ITGB2: variants seen among roughly 807,000 people sequenced by gnomAD.
ITGB2 encodes the protein integrin beta-2.
Under a neutral mutation model 86.8 loss-of-function variants are expected in ITGB2, and 56 were observed. The observed-to-expected ratio is 0.65, with a 90% confidence interval of 0.52 to 0.81. The LOEUF (loss-of-function observed/expected upper bound fraction) is 0.81, where lower values mean the gene tolerates loss of function less well. ITGB2 is among the 30% of genes least tolerant of loss of function. ITGB2 has a pLI of 0.00. For missense variants in ITGB2, 948 were observed against 1,061.2 expected, an observed-to-expected ratio of 0.89 and a Z score of 1.48; for synonymous variants, 457 against 450.4, an observed-to-expected ratio of 1.01 and a Z score of -0.19.
intron 4 of ITGB2, among the ~76,000 whole-genome samples, chr21:44,904,900 C>T (rs1303651884): frequency 6.6e-6 from 1 of 151,770 alleles, no homozygotes; most frequent in Non-Finnish European, 1.5e-5. Flanking sequence ...ACCCGGCACT[C>T]CTGGCCCTGG....
At chr21:44,912,064 G>A (rs376642111) in intron 1 of ITGB2, among the ~76,000 whole-genome samples, 1 of 152,168 alleles carries the variant, frequency 6.6e-6, no homozygotes, top group Non-Finnish European at 1.5e-5. Context: ...AGACATTTCC[G>A]TTACCCTGGG....
At chr21:44,894,238 G>A (rs988749647) in intron 9 of ITGB2, 16 of 163,868 alleles carry the variant, frequency 9.8e-5, no homozygotes, top group Admixed American at 7.3e-4. Context: ...CCTCCTCCAC[G>A]GGCCTTCAGT....
At chr21:44,899,486 A>C (rs2083916434) in intron 7 of ITGB2, among the ~76,000 whole-genome samples, 1 of 152,152 alleles carries the variant, frequency 6.6e-6, no homozygotes, top group African/African-American at 2.4e-5. Context: ...AGGGACACTC[A>C]GTTTCGGTAG....
rs376053062 is a variant in ITGB2 at position 44,903,502 on chromosome 21, C to G, written c.362G>C (p.Arg121Pro). The change falls in exon 5 of 16, where the codon CGG becomes CCG. Residue 121 changes from arginine (R) to proline (P), a missense_variant. By Grantham distance (103) the Arg-to-Pro change is moderately radical (BLOSUM62 -2). Transcript: ENST00000652462. The part of the protein sequence containing the change: ...QAAAFNVTFR[R>P]AKGYPIDLYY... ...CAGGTCGATGGGGTAGCCCTTGGCC[C>G]GCCGGAAGGTCACGTTGAACGCTGC... is the stretch of plus-strand genomic sequence containing the variant. 3.7e-6 allele frequency: 6 copies of G among 1,614,046 alleles called. No individual in the cohort carries two copies. Among genetic ancestry groups the G allele is most frequent in the Non-Finnish European group, 5.1e-6 (6 of 1,179,974 alleles).
Position 44,886,310 on chromosome 21 carries a change from G to T in ITGB2, c.*58C>A. On this transcript the variant is annotated 3_prime_UTR_variant, in exon 16 of 16. Coordinates refer to ENST00000652462, the MANE Select transcript of ITGB2 (RefSeq NM_000211.5). The stretch of plus-strand genomic sequence containing the variant: ...CAAGAGCTGTGGCAAGCCATGTCTC[G>T]GCCGCGTGATGGGGCAGACATGGTG... 1 of 1,441,330 alleles carries T rather than the reference G, an allele frequency of 6.9e-7. No homozygotes were observed. Among genetic ancestry groups the T allele is most frequent in the Non-Finnish European group, 9.8e-7 (1 of 1,022,668 alleles). 89.3% of individuals were successfully genotyped at this position (1,441,330 alleles called of 1,614,324 possible).
At chr21:44,909,946 C>T (rs112403172) in intron 3 of ITGB2, among the ~76,000 whole-genome samples, 2,318 of 152,302 alleles carry the variant, frequency 0.015, 29 homozygotes, top group Middle Eastern at 0.037. Flanking sequence ...GGGCCAGAAG[C>T]GCGCGTGTTT....
At chr21:44,889,921 C>T (rs901307822) in intron 12 of ITGB2, 57 bp downstream of exon 12, 9 of 1,607,460 alleles carry the variant, frequency 5.6e-6, no homozygotes, top group Non-Finnish European at 7.6e-6. Flanking sequence ...ACGCACCCCC[C>T]AACACCAAGT....
chr21:44,886,977 C>T (rs1177849028), intron 14 of ITGB2, 75 bp from the exon 15 acceptor site: 10 of 1,558,332 alleles, frequency 6.4e-6, no homozygotes, highest in East Asian at 4.5e-5. Flanking sequence ...GGTCCGAGGT[C>T]ACCCCACAAC....
At chr21:44,899,548 G>A (rs1309141572) in intron 7 of ITGB2, among the ~76,000 whole-genome samples, 1 of 105,186 alleles carries the variant, frequency 9.5e-6, no homozygotes, top group Non-Finnish European at 1.8e-5. Flanking sequence ...GGGACCCGAG[G>A]GCCGTCCCTC....
chr21:44,899,179 C>A lies in ITGB2; in HGVS notation c.898-17G>T. The A allele has an allele frequency of 6.2e-7, 1 of 1,600,402 alleles. No individual in the cohort carries two copies. The highest frequency in any genetic ancestry group is 8.6e-7 in the Non-Finnish European group (1 of 1,168,064). On this transcript the variant is annotated splice_polypyrimidine_tract_variant and intron_variant, in intron 7 of 15. Transcript: ENST00000652462. The stretch of plus-strand genomic sequence containing the variant: ...TGGGTAGTCCTGGAGAGAGGAGGTC[C>A]TGCTCAGTTGGCCCCGAGTCCAGGA...
upstream of ITGB2, chr21:44,923,008 C>T (rs762027401): frequency 6.6e-6 from 1 of 152,186 alleles, no homozygotes; most frequent in African/African-American, 2.4e-5. Flanking sequence ...TCGCTGCGAA[C>T]GTCACGGACG....
chr21:44,916,895 G>C (rs1448321737), intron 1 of ITGB2, among the ~76,000 whole-genome samples: 1 of 151,610 alleles, frequency 6.6e-6, no homozygotes, highest in African/African-American at 2.4e-5. Context: ...AAGCTAAGGG[G>C]GAAAATAGCA....
intron 3 of ITGB2, among the ~76,000 whole-genome samples, chr21:44,908,697 G>A (rs1249099496): frequency 6.6e-6 from 1 of 152,220 alleles, no homozygotes; most frequent in Non-Finnish European, 1.5e-5. Flanking sequence ...CCGAGTGTCT[G>A]AGGAATTCTG....
rs1359169042 is a variant in ITGB2, at chr21:44,901,514, A to G, written c.719T>C (p.Met240Thr). 2 of 1,614,202 alleles carry G rather than the reference A, an allele frequency of 1.2e-6. No individual in the cohort carries two copies. Among genetic ancestry groups the G allele is most frequent in the South Asian group, 1.1e-5 (1 of 91,086 alleles). Reference sequence around the variant, plus strand: ...CACCGGGCAGGCGGCGACCTGCATCATGGCGTCCAGCCCACCCTCGGGTGC... The same window carrying G: ...CACCGGGCAGGCGGCGACCTGCATCGTGGCGTCCAGCCCACCCTCGGGTGC... ...LDAPEGGLDA[M>T]MQVAACPEEI... The change falls in exon 6 of 16, where the codon ATG (methionine) becomes ACG (threonine). Residue 240 changes from methionine to threonine, a missense_variant. By Grantham distance (81) the Met-to-Thr change is moderately conservative (BLOSUM62 -1). Coordinates refer to ENST00000652462, the MANE Select transcript of ITGB2 (RefSeq NM_000211.5).
chr21:44,889,537 G>A, intron 12 of ITGB2, 42 bp from the exon 13 acceptor site: 1 of 1,525,668 alleles, frequency 6.6e-7, no homozygotes. Flanking sequence ...GCTTGGCCTG[G>A]GAACCGAGAC....
In ITGB2 at chr21:44,899,136, C is replaced by G; in HGVS notation, c.924G>C (p.Ala308=). 1 of 1,614,058 alleles carries G rather than the reference C, an allele frequency of 6.2e-7. No individual in the cohort carries two copies. The highest frequency in any genetic ancestry group is 2.2e-5 in the East Asian group (1 of 44,888). ...EFDYPSVGQL[A]HKLAENNIQP... Reference sequence around the variant, plus strand: ...GGATGTTGTTTTCAGCCAGCTTGTGCGCCAGCTGGCCCACCGATGGGTAGT... The same window carrying G: ...GGATGTTGTTTTCAGCCAGCTTGTGGGCCAGCTGGCCCACCGATGGGTAGT... Residue 308 remains alanine, a synonymous_variant, in exon 8 of 16, where the codon GCG becomes GCC. Transcript: ENST00000652462.
chr21:44,912,729 C>A (rs938297330), intron 1 of ITGB2, among the ~76,000 whole-genome samples: 1 of 152,114 alleles, frequency 6.6e-6, no homozygotes, highest in African/African-American at 2.4e-5. Context: ...CTCGGTGCCA[C>A]GAGTGCCCAC....
At chr21:44,923,318 C>T (rs1242644728), upstream of ITGB2, among the ~76,000 whole-genome samples, 1 of 152,072 alleles carries the variant, frequency 6.6e-6, no homozygotes, top group African/African-American at 2.4e-5. Context: ...ATGCATGGAC[C>T]ATATTTTAAA....
At chr21:44,899,303 C>A (rs1461973886) in intron 7 of ITGB2, 141 bp from the exon 8 acceptor site, 1 of 703,386 alleles carries the variant, frequency 1.4e-6, no homozygotes, top group Non-Finnish European at 2.6e-6. Flanking sequence ...CAGAGGCTGC[C>A]ACGCAGGAGT....
Sources: gnomAD v4.1 joint callset for allele counts (sites outside exome capture counted in the v4.1 genomes callset) on GRCh38, gnomAD v4.1.1 for gene constraint, MANE v1.5 for transcripts, NCBI Gene and HGNC (gene_info 2026-07-23, HGNC 2026-07-21) for gene names.